VWA3B: variants seen among roughly 807,000 people sequenced by gnomAD.
VWA3B encodes von Willebrand factor A domain containing 3B, also known as von Willebrand factor A domain-containing protein 3B.
VWA3B carries 138 observed loss-of-function variants against 158.3 expected under a neutral mutation model. The observed-to-expected ratio is 0.87, with a 90% CI of 0.76 to 1.00. The LOEUF (loss-of-function observed/expected upper bound fraction) is 1.00, where lower values mean the gene tolerates loss of function less well. Ranked by LOEUF, VWA3B falls within the 50% of genes least tolerant of loss-of-function variation. The pLI, the probability that VWA3B is intolerant of heterozygous loss-of-function variation, is 0.00. For synonymous variants in VWA3B, 596 were observed against 587.3 expected, an observed-to-expected ratio of 1.01 and a Z score of -0.21; for missense variants, 1,555 against 1,565.1, an observed-to-expected ratio of 0.99 and a Z score of 0.11.
intron 20 of VWA3B, among the ~76,000 whole-genome samples, chr2:98,254,060 T>C (rs933440460): frequency 2.0e-5 from 3 of 152,168 alleles, no homozygotes; most frequent in African/African-American, 7.2e-5. Flanking sequence ...TAGAGACCTG[T>C]GCTAGCAAAC....
At chr2:98,092,548 C>A (rs1443489103) in intron 1 of VWA3B, among the ~76,000 whole-genome samples, 1 of 151,956 alleles carries the variant, frequency 6.6e-6, no homozygotes, top group Non-Finnish European at 1.5e-5. Context: ...GAGGCTGAGG[C>A]AGCAGAATTG....
chr2:98,316,942 C>A (rs999820438), downstream of VWA3B, among the ~76,000 whole-genome samples: 1 of 152,144 alleles, frequency 6.6e-6, no homozygotes, highest in African/African-American at 2.4e-5. Context: ...GTACATCCTG[C>A]GGAACCATGA....
chr2:98,166,439 G>A (rs1465775985), intron 8 of VWA3B, among the ~76,000 whole-genome samples: 2 of 152,160 alleles, frequency 1.3e-5, no homozygotes, highest in South Asian at 2.1e-4. Context: ...TAAGAATAGG[G>A]AGAGACACCT....
At chr2:98,101,416 T>C (rs1298689074) in intron 2 of VWA3B, among the ~76,000 whole-genome samples, 1 of 152,240 alleles carries the variant, frequency 6.6e-6, no homozygotes, top group Non-Finnish European at 1.5e-5. Context: ...CTGTCCAACA[T>C]GTTAGTAACA....
intron 11 of VWA3B, 81 bp downstream of exon 11, chr2:98,193,117 TA>T: frequency 6.7e-7 from 1 of 1,501,658 alleles, no homozygotes; most frequent in Non-Finnish European, 8.9e-7. Context: ...CTTGTTGCTC[TA>T]AAAAATTCCT....
chr2:98,231,289 A>G (rs1002895230), intron 16 of VWA3B, among the ~76,000 whole-genome samples: 9 of 152,252 alleles, frequency 5.9e-5, no homozygotes, highest in African/African-American at 1.9e-4. Flanking sequence ...TCTAAAATAT[A>G]TGCAGAAACA....
At chr2:98,303,463 G>A (rs1009104154) in intron 25 of VWA3B, among the ~76,000 whole-genome samples, 2 of 145,268 alleles carry the variant, frequency 1.4e-5, no homozygotes, top group Admixed American at 6.8e-5. Context: ...TGTGTCTTAC[G>A]TGGGTACATT....
intron 26 of VWA3B, among the ~76,000 whole-genome samples, chr2:98,305,506 C>T (rs1690466728): frequency 6.6e-6 from 1 of 152,188 alleles, no homozygotes; most frequent in Admixed American, 6.5e-5. Context: ...AGGTGTTCAG[C>T]ACATTGTGGG....
chr2:98,178,357 C>T (rs962757694), intron 8 of VWA3B, among the ~76,000 whole-genome samples: 1 of 152,220 alleles, frequency 6.6e-6, no homozygotes, highest in African/African-American at 2.4e-5. Flanking sequence ...TAGTAGGTTT[C>T]AGAGTGAATT....
At chr2:98,288,116 A>C (rs139274082) in intron 22 of VWA3B, among the ~76,000 whole-genome samples, 4 of 152,258 alleles carry the variant, frequency 2.6e-5, no homozygotes, top group Middle Eastern at 3.4e-3. Context: ...AGCCTTCCCA[A>C]TTTGGGACTC....
chr2:98,294,014 G>A lies in VWA3B; in HGVS notation c.3157+3392G>A, dbSNP rs538770834. 1.4e-4 allele frequency among the ~76,000 whole-genome samples: 21 copies of A among 151,886 alleles called. No homozygotes were observed. In the South Asian group the frequency reaches 4.4e-3, roughly 32 times the overall value. ...CATAAGGCCAGTTATTTTACAGAACGTTCCTCAGTTTGGGTTAGATTACAT... is the reference window on the plus strand; with the variant it reads ...CATAAGGCCAGTTATTTTACAGAACATTCCTCAGTTTGGGTTAGATTACAT... On this transcript the variant is annotated intron_variant, in intron 23 of 27. Transcript: ENST00000477737.
Position 98,128,184 on chromosome 2 carries a change from A to G in VWA3B, c.703-55A>G, listed in dbSNP as rs567603414. 3 of 1,595,150 alleles carry G rather than the reference A, an allele frequency of 1.9e-6. No homozygotes were observed. In the Admixed American group the frequency reaches 5.0e-5, roughly 27 times the overall value. ...TAGAATGGGTATTACTGATGAGACTAGTACCAAGCTAGGGCATGTGAGGGA... is the reference window on the plus strand; with the variant it reads ...TAGAATGGGTATTACTGATGAGACTGGTACCAAGCTAGGGCATGTGAGGGA... On this transcript the variant is annotated intron_variant, in intron 5 of 27. Coordinates refer to ENST00000477737, the MANE Select transcript of VWA3B (RefSeq NM_144992.5).
intron 3 of VWA3B, among the ~76,000 whole-genome samples, chr2:98,118,628 G>A (rs1336828734): frequency 6.6e-6 from 1 of 152,080 alleles, no homozygotes; most frequent in Non-Finnish European, 1.5e-5. Flanking sequence ...AGAACACAGC[G>A]GGAGGGACAG....
intron 7 of VWA3B, among the ~76,000 whole-genome samples, chr2:98,144,920 G>C (rs1266399668): frequency 6.6e-6 from 1 of 152,196 alleles, no homozygotes; most frequent in Non-Finnish European, 1.5e-5. Context: ...GGACAGCCTG[G>C]CTGCTACAAT....
chr2:98,108,052 A>G (rs970723078), intron 2 of VWA3B, among the ~76,000 whole-genome samples: 8 of 152,126 alleles, frequency 5.3e-5, no homozygotes, highest in Non-Finnish European at 8.8e-5. Context: ...AAATTTTTAT[A>G]TGTTGTATTA....
chr2:98,163,463 G>T (rs1403496159), intron 8 of VWA3B, among the ~76,000 whole-genome samples: 1 of 152,086 alleles, frequency 6.6e-6, no homozygotes, highest in Non-Finnish European at 1.5e-5. Flanking sequence ...GCTTGAACCC[G>T]GGAGGCAGAG....
intron 7 of VWA3B, among the ~76,000 whole-genome samples, chr2:98,152,355 G>A (rs1677707426): frequency 6.6e-6 from 1 of 152,228 alleles, no homozygotes; most frequent in South Asian, 2.1e-4. Flanking sequence ...CCACATGTGG[G>A]CTGGGCTTGA....
chr2:98,089,102 G>A (rs1257245636), intron 1 of VWA3B, among the ~76,000 whole-genome samples: 2 of 152,024 alleles, frequency 1.3e-5, no homozygotes. Context: ...TTTTAAAAGA[G>A]CTGTTTCCTG....
chr2:98,217,073 G>A, intron 13 of VWA3B: 1 of 990,790 alleles, frequency 1.0e-6, no homozygotes, highest in Non-Finnish European at 1.3e-6. Flanking sequence ...GCTGGGCAGA[G>A]GGTGGGGGTT....
Sources: gnomAD v4.1 joint callset for allele counts (sites outside exome capture counted in the v4.1 genomes callset) on GRCh38, gnomAD v4.1.1 for gene constraint, MANE v1.5 for transcripts, NCBI Gene and HGNC (gene_info 2026-07-23, HGNC 2026-07-21) for gene names.